MARCHF1: variants seen among roughly 807,000 people sequenced by gnomAD.
The protein encoded by MARCHF1 is membrane associated ring-CH-type finger 1.
MARCHF1 carries 40 observed loss-of-function variants against 54.2 expected under a neutral mutation model. The observed-to-expected ratio is 0.74, with a 90% CI of 0.57 to 0.96. The LOEUF is 0.96. MARCHF1 is among the 40% of genes least tolerant of loss of function. The pLI is 0.00. For missense variants in MARCHF1, 586 were observed against 656.5 expected, an observed-to-expected ratio of 0.89 and a Z score of 1.17; for synonymous variants, 236 against 236.3, an observed-to-expected ratio of 1.00 and a Z score of 0.01.
intron 1 of MARCHF1, among the ~76,000 whole-genome samples, chr4:164,278,146 C>CA (rs1166524231): frequency 6.6e-6 from 1 of 152,050 alleles, no homozygotes; most frequent in Non-Finnish European, 1.5e-5. Flanking sequence ...TCTGTCTCTA[C>CA]AAAAAATACA....
At chr4:164,205,343 T>A (rs1457587203) in intron 1 of MARCHF1, among the ~76,000 whole-genome samples, 1 of 152,200 alleles carries the variant, frequency 6.6e-6, no homozygotes, top group Non-Finnish European at 1.5e-5. Flanking sequence ...ATAGGCACTA[T>A]TGACACTTGT....
At chr4:163,701,473 C>A (rs1271814707) in intron 4 of MARCHF1, among the ~76,000 whole-genome samples, 2 of 151,788 alleles carry the variant, frequency 1.3e-5, no homozygotes, top group Non-Finnish European at 2.9e-5. Flanking sequence ...TTTTATTTAG[C>A]AGAAAAGAGG....
At chr4:163,826,921 C>T (rs1748867446) in intron 4 of MARCHF1, among the ~76,000 whole-genome samples, 1 of 151,896 alleles carries the variant, frequency 6.6e-6, no homozygotes, top group Non-Finnish European at 1.5e-5. Flanking sequence ...TTACAAATGA[C>T]AATACTGAGG....
At chr4:164,174,627 C>A (rs1031809520) in intron 1 of MARCHF1, among the ~76,000 whole-genome samples, 4 of 152,096 alleles carry the variant, frequency 2.6e-5, no homozygotes, top group African/African-American at 9.7e-5. Flanking sequence ...CTTCAGTAGT[C>A]AGTGTTTTGA....
chr4:164,135,854 C>T (rs1202185079), intron 1 of MARCHF1, among the ~76,000 whole-genome samples: 1 of 152,176 alleles, frequency 6.6e-6, no homozygotes, highest in Non-Finnish European at 1.5e-5. Context: ...CAGAAACTTA[C>T]GTTTTTCCTC....
intron 8 of MARCHF1, among the ~76,000 whole-genome samples, chr4:163,569,433 G>C (rs1739759543): frequency 6.6e-6 from 1 of 152,060 alleles, no homozygotes; most frequent in South Asian, 2.1e-4. Context: ...GAAAATTCTA[G>C]AACCATCAAA....
At chr4:164,200,660 A>T (rs1218856827) in intron 1 of MARCHF1, among the ~76,000 whole-genome samples, 4 of 152,220 alleles carry the variant, frequency 2.6e-5, no homozygotes, top group African/African-American at 9.7e-5. Context: ...CTACAGCCTA[A>T]GCATTAAGTT....
At chr4:164,184,849 T>C (rs999311296) in intron 1 of MARCHF1, among the ~76,000 whole-genome samples, 2 of 152,134 alleles carry the variant, frequency 1.3e-5, no homozygotes, top group Admixed American at 1.3e-4. Flanking sequence ...CAAACCTACA[T>C]AGAGTATGTT....
chr4:163,762,626 C>T (rs148990861), intron 4 of MARCHF1, among the ~76,000 whole-genome samples: 39 of 152,042 alleles, frequency 2.6e-4, no homozygotes, highest in African/African-American at 8.2e-4. Context: ...TTTCTTTGAC[C>T]GTTGTAAACA....
At chr4:164,160,600 T>G (rs763079623) in intron 1 of MARCHF1, among the ~76,000 whole-genome samples, 3 of 152,192 alleles carry the variant, frequency 2.0e-5, no homozygotes, top group Admixed American at 6.6e-5. Flanking sequence ...AAAATATCCA[T>G]TATCAGAAAA....
At chr4:164,188,369 C>A in intron 1 of MARCHF1, 1 of 478,948 alleles carries the variant, frequency 2.1e-6, no homozygotes, top group South Asian at 2.1e-5. Context: ...CTCTGCTGCC[C>A]GACTGGCTGG....
chr4:163,649,585 C>T (rs1054502088), intron 5 of MARCHF1, among the ~76,000 whole-genome samples: 1 of 151,938 alleles, frequency 6.6e-6, no homozygotes, highest in Non-Finnish European at 1.5e-5. Flanking sequence ...TGCAGAAGGA[C>T]CCCAGAAGTA....
chr4:163,937,446 G>A (rs1295128401), intron 3 of MARCHF1, among the ~76,000 whole-genome samples: 1 of 151,464 alleles, frequency 6.6e-6, no homozygotes, highest in Non-Finnish European at 1.5e-5. Flanking sequence ...TTTACTCCTA[G>A]GATATCTGAA....
At chr4:163,700,375 G>C (rs1744769505) in intron 5 of MARCHF1, among the ~76,000 whole-genome samples, 1 of 151,758 alleles carries the variant, frequency 6.6e-6, no homozygotes, top group South Asian at 2.1e-4. Context: ...CATGGTGGTG[G>C]GCACCGGTAA....
intron 4 of MARCHF1, among the ~76,000 whole-genome samples, chr4:163,711,485 C>T (rs1745104441): frequency 2.0e-5 from 3 of 152,146 alleles, no homozygotes; most frequent in Admixed American, 2.0e-4. Context: ...TTGGATCTCA[C>T]CAAGGCTCCT....
chr4:163,616,067 T>C (rs1205333476), intron 5 of MARCHF1, among the ~76,000 whole-genome samples: 1 of 152,028 alleles, frequency 6.6e-6, no homozygotes, highest in Non-Finnish European at 1.5e-5. Flanking sequence ...AAAAATCAAC[T>C]CAAAATGAAT....
intron 1 of MARCHF1, among the ~76,000 whole-genome samples, chr4:164,303,263 A>C (rs1734610574): frequency 6.6e-6 from 1 of 152,174 alleles, no homozygotes; most frequent in African/African-American, 2.4e-5. Context: ...CTGCTTTATA[A>C]TTTGTGACCA....
At position 163,529,334 on chromosome 4, in the gene MARCHF1, T is replaced by C. The variant is rs549618091; in HGVS notation, c.1340-288A>G. ...AAGTACCTATCATAATTATGAGATA[T>C]TATGTTAGATTTTGGACATTTGGAC... On this transcript the variant is annotated intron_variant, in intron 9 of 9. Transcript: ENST00000514618. Among the ~76,000 whole-genome samples the C allele has an allele frequency of 4.0e-4, 61 of 151,780 alleles. 1 individual carries two copies. The highest frequency in any genetic ancestry group is 7.9e-4 in the Non-Finnish European group (54 of 67,952).
intron 1 of MARCHF1, among the ~76,000 whole-genome samples, chr4:164,258,960 G>C (rs1421979005): frequency 1.3e-5 from 2 of 152,104 alleles, no homozygotes; most frequent in Non-Finnish European, 2.9e-5. Flanking sequence ...TATAGTAATT[G>C]AAAGTCTGTT....
Sources: gnomAD v4.1 joint callset for allele counts (sites outside exome capture counted in the v4.1 genomes callset) on GRCh38, gnomAD v4.1.1 for gene constraint, MANE v1.5 for transcripts, NCBI Gene and HGNC (gene_info 2026-07-23, HGNC 2026-07-21) for gene names.